Variants in SRGAP3 observed in about 807,000 individuals in gnomAD.
SRGAP3 encodes the protein SLIT-ROBO Rho GTPase activating protein 3, also known as SLIT-ROBO Rho GTPase-activating protein 3.
SRGAP3 carries 39 observed loss-of-function variants against 121.1 expected under a neutral mutation model. The observed-to-expected ratio is 0.32, with a 90% CI of 0.25 to 0.42. The LOEUF (loss-of-function observed/expected upper bound fraction) is 0.42, where lower values mean the gene tolerates loss of function less well. SRGAP3 is among the 10% of genes least tolerant of loss of function. The pLI is 1.00. For missense variants in SRGAP3, 1,213 were observed against 1,470.6 expected (o/e 0.82, Z 2.86); for synonymous variants, 601 against 570.0 (o/e 1.05, Z -0.77).
At chr3:9,014,071 C>A in intron 15 of SRGAP3, 1 of 586,072 alleles carries the variant, frequency 1.7e-6, no homozygotes, top group Non-Finnish European at 3.1e-6. Flanking sequence ...AGAGTCGACT[C>A]TCCGGACTTG....
rs181153783 is a variant in SRGAP3 at position 8,999,465 on chromosome 3, T to C, written c.2228-4942A>G. 2.4e-3 allele frequency among the ~76,000 whole-genome samples: 362 copies of C among 152,254 alleles called. 1 individual carries two copies. Among genetic ancestry groups the C allele is most frequent in the South Asian group, 0.017 (81 of 4,822 alleles). ...GCCATGCCATTCCAGAGAACTCTGT[T>C]ATAGGTCATGAGTCCTGCCTGCATG... On this transcript the variant is annotated intron_variant, in intron 18 of 21. Transcript: ENST00000383836.
At chr3:9,205,921 G>T (rs989075382) in intron 1 of SRGAP3, among the ~76,000 whole-genome samples, 2 of 152,188 alleles carry the variant, frequency 1.3e-5, no homozygotes, top group Non-Finnish European at 2.9e-5. Context: ...GGTACCTAGA[G>T]TAGTCAGATT....
intron 2 of SRGAP3, among the ~76,000 whole-genome samples, chr3:9,112,372 T>TCA (rs762555316): frequency 1.9e-4 from 29 of 152,200 alleles, no homozygotes; most frequent in Non-Finnish European, 4.4e-5. Context: ...CAAGCAGGAT[T>TCA]CAGCATTCAT....
At chr3:9,310,920 A>C (rs1251985860) in intron 3 of SRGAP3, among the ~76,000 whole-genome samples, 2 of 152,190 alleles carry the variant, frequency 1.3e-5, no homozygotes, top group Non-Finnish European at 2.9e-5. Context: ...CTGTAATCCC[A>C]GCACTTTGGG....
At chr3:8,987,727 C>G (rs951695962) in intron 21 of SRGAP3, among the ~76,000 whole-genome samples, 1 of 152,130 alleles carries the variant, frequency 6.6e-6, no homozygotes. Context: ...CCCAGAACAC[C>G]GGCAACTTTA....
At chr3:9,025,459 A>T (rs1404919959) in intron 13 of SRGAP3, 121 bp from the exon 14 acceptor site, 22 of 1,129,668 alleles carry the variant, frequency 1.9e-5, no homozygotes, top group Non-Finnish European at 2.4e-5. Flanking sequence ...ATCCTTTATA[A>T]CAGAGTCGTT....
intron 1 of SRGAP3, among the ~76,000 whole-genome samples, chr3:9,212,381 C>G (rs1252698510): frequency 6.6e-6 from 1 of 152,216 alleles, no homozygotes; most frequent in Non-Finnish European, 1.5e-5. Flanking sequence ...GGGCTGAGAT[C>G]AGCTCAGGCT....
chr3:9,199,775 A>C (rs1030212604), intron 1 of SRGAP3, among the ~76,000 whole-genome samples: 1 of 152,196 alleles, frequency 6.6e-6, no homozygotes, highest in Non-Finnish European at 1.5e-5. Flanking sequence ...TGCTTTATAA[A>C]CTATATGAGC....
At chr3:9,056,359 G>T in intron 7 of SRGAP3, 25 bp from the exon 8 acceptor site, 2 of 1,609,060 alleles carry the variant, frequency 1.2e-6, no homozygotes, top group Non-Finnish European at 1.7e-6. Flanking sequence ...GCCACCATCT[G>T]TGGTTGCCCT....
intron 1 of SRGAP3, among the ~76,000 whole-genome samples, chr3:9,204,854 G>A (rs1274399047): frequency 6.6e-6 from 1 of 152,250 alleles, no homozygotes; most frequent in African/African-American, 2.4e-5. Context: ...AATCCCAGCA[G>A]AGCGGTGACG....
chr3:9,323,606 A>C (rs1265057770), intron 3 of SRGAP3, among the ~76,000 whole-genome samples: 1 of 151,898 alleles, frequency 6.6e-6, no homozygotes, highest in Non-Finnish European at 1.5e-5. Flanking sequence ...TCTGGGATCC[A>C]AGGAAAACTA....
chr3:9,081,275 C>T (rs1333677732), intron 3 of SRGAP3: 1 of 456,724 alleles, frequency 2.2e-6, no homozygotes, highest in Non-Finnish European at 4.4e-6. Context: ...GATCCTGACA[C>T]AGTCGCAAGT....
Position 9,013,398 on chromosome 3 carries a change from A to T in SRGAP3, c.2057T>A (p.Ile686Asn), listed in dbSNP as rs1200326676. 1 of 1,614,034 alleles carries T rather than the reference A, an allele frequency of 6.2e-7. No homozygotes were observed. The highest frequency in any genetic ancestry group is 2.2e-5 in the East Asian group (1 of 44,874). Residue 686 changes from isoleucine to asparagine, a missense_variant, in exon 17 of 22, where the codon ATC becomes AAC. Physicochemically the swap from Ile to Asn is moderately radical, Grantham distance 149 (BLOSUM62 -3). This residue lies in a region of SRGAP3 where 793 missense variants were observed against 1,032.9 expected (regional missense o/e 0.77). Coordinates refer to ENST00000383836, the MANE Select transcript of SRGAP3 (RefSeq NM_014850.4). The part of the protein sequence containing the change: ...QAHINEVIKT[I>N]IIHHEAIFPS... ...GAAGATGGCTTCATGATGGATGATG[A>T]TGGTTTTGATGACTTCATTGATGTG...
rs368396221 is a variant in SRGAP3, at chr3:9,160,683, T to C, written c.68-35766A>G. 4.3e-4 allele frequency among the ~76,000 whole-genome samples: 65 copies of C among 152,326 alleles called. 1 individual carries two copies. Among genetic ancestry groups the C allele is most frequent in the Admixed American group, 1.2e-3 (18 of 15,306 alleles). On this transcript the variant is annotated intron_variant, in intron 1 of 21. Transcript: ENST00000383836. ...AGTGTTTGTTTTAAACTGGTACATT[T>C]TGGAATAATTTATTTCACAGCAATA...
At chr3:9,079,146 C>T (rs1947119742) in intron 4 of SRGAP3, among the ~76,000 whole-genome samples, 1 of 151,904 alleles carries the variant, frequency 6.6e-6, no homozygotes, top group Non-Finnish European at 1.5e-5. Context: ...TACAATTTTA[C>T]CAGCAGATTC....
At chr3:9,278,093 C>A (rs1041851135) in intron 3 of SRGAP3, among the ~76,000 whole-genome samples, 1 of 152,222 alleles carries the variant, frequency 6.6e-6, no homozygotes, top group Non-Finnish European at 1.5e-5. Flanking sequence ...ATGAGAAATA[C>A]ATGGTTGTTG....
At chr3:9,116,046 A>T (rs1948793165) in intron 2 of SRGAP3, among the ~76,000 whole-genome samples, 1 of 152,214 alleles carries the variant, frequency 6.6e-6, no homozygotes, top group African/African-American at 2.4e-5. Context: ...AAGATAATTC[A>T]ATATTTATGG....
intron 1 of SRGAP3, chr3:9,355,739 T>C (rs933247108): frequency 1.3e-5 from 2 of 152,260 alleles, no homozygotes; most frequent in African/African-American, 4.8e-5. Context: ...ATATTTTCTG[T>C]ATTATCTGTT....
At chr3:9,256,984 T>C (rs1954144579) in intron 3 of SRGAP3, 1 of 397,152 alleles carries the variant, frequency 2.5e-6, no homozygotes, top group Admixed American at 4.4e-5. Flanking sequence ...CTTGGGCAAG[T>C]TGTTAGCTGG....
Sources: gnomAD v4.1 joint callset for allele counts (sites outside exome capture counted in the v4.1 genomes callset) on GRCh38, gnomAD v4.1.1 for gene constraint, gnomAD v4.1.1 regional missense constraint, MANE v1.5 for transcripts, NCBI Gene and HGNC (gene_info 2026-07-23, HGNC 2026-07-21) for gene names.